Variants in EPB41L3 observed in about 807,000 individuals in gnomAD.
EPB41L3 encodes the protein erythrocyte membrane protein band 4.1 like 3, also known as band 4.1-like protein 3.
A neutral mutation model predicts 127.1 loss-of-function variants in EPB41L3; 57 were observed. The ratio of observed to expected loss-of-function variants is 0.45; its 90% CI spans 0.36 to 0.56. The LOEUF is 0.56. Among genes scored for constraint, EPB41L3 ranks in the 20% least tolerant of loss-of-function variants. The pLI is 0.00. For synonymous variants in EPB41L3, 572 were observed against 549.5 expected, an observed-to-expected ratio of 1.04 and a Z score of -0.57; for missense variants, 1,273 against 1,372.2, an observed-to-expected ratio of 0.93 and a Z score of 1.14.
chr18:5,610,129 G>T (rs2094708993), intron 3 of EPB41L3: 2 of 985,358 alleles, frequency 2.0e-6, no homozygotes, highest in South Asian at 4.7e-5. Flanking sequence ...CTTAAACACA[G>T]ATTTCAGGAC....
intron 3 of EPB41L3, among the ~76,000 whole-genome samples, chr18:5,572,130 T>C (rs2094288817): frequency 6.6e-6 from 1 of 152,234 alleles, no homozygotes; most frequent in Admixed American, 6.5e-5. Flanking sequence ...GCTATCTAAG[T>C]TGTTGCTTTT....
intron 1 of EPB41L3, among the ~76,000 whole-genome samples, chr18:5,628,333 C>G (rs761572729): frequency 9.2e-5 from 14 of 152,254 alleles, no homozygotes; most frequent in Non-Finnish European, 1.9e-4. Context: ...TCTCGCGGCC[C>G]AGTCTTAATC....
chr18:5,431,927 C>A (rs1355104889), intron 8 of EPB41L3, among the ~76,000 whole-genome samples: 2 of 152,100 alleles, frequency 1.3e-5, no homozygotes, highest in Non-Finnish European at 2.9e-5. Flanking sequence ...AATGAACTGG[C>A]AAGTAAACAG....
At chr18:5,523,818 G>T in intron 1 of EPB41L3, among the ~76,000 whole-genome samples, 1 of 151,818 alleles carries the variant, frequency 6.6e-6, no homozygotes, top group East Asian at 1.9e-4. Flanking sequence ...GTATACACTT[G>T]TTTTTGAGAA....
upstream of EPB41L3, among the ~76,000 whole-genome samples, chr18:5,548,911 T>G (rs1003239542): frequency 1.3e-5 from 2 of 152,188 alleles, no homozygotes; most frequent in Non-Finnish European, 2.9e-5. Context: ...GCTAAGACAC[T>G]TAACATTTTA....
At chr18:5,475,955 C>T (rs4797214) in intron 3 of EPB41L3, among the ~76,000 whole-genome samples, 47,729 of 151,842 alleles carry the variant, frequency 0.31, 7,931 homozygotes, top group East Asian at 0.46. Flanking sequence ...CTATGCTTCC[C>T]CTTCTCTGTT....
At chr18:5,545,015 TA>T (rs35842308), upstream of EPB41L3, among the ~76,000 whole-genome samples, 6,956 of 152,246 alleles carry the variant, frequency 0.046, 389 homozygotes, top group African/African-American at 0.13. Flanking sequence ...GATACATATA[TA>T]GTAAAATGGT....
chr18:5,398,447 A>G (rs537518816), intron 16 of EPB41L3: 1 of 436,836 alleles, frequency 2.3e-6, no homozygotes, highest in Non-Finnish European at 4.0e-6. Flanking sequence ...AGGGAGCTGG[A>G]AATAAAATGG....
intron 3 of EPB41L3, among the ~76,000 whole-genome samples, chr18:5,594,888 T>C (rs1048380040): frequency 3.3e-5 from 5 of 152,152 alleles, no homozygotes; most frequent in Non-Finnish European, 7.4e-5. Context: ...ATAGGAAACA[T>C]ACGGAAAATA....
rs752271497 is a variant in EPB41L3 at position 5,397,251 on chromosome 18, T to C, written c.2648A>G (p.Gln883Arg). ...CCCTTTAATGCCTGTGAATGCGGGC[T>C]GTGCTGCAGCATCCCCGCTGTCTCC... is the stretch of plus-strand genomic sequence containing the variant. ...SAGDSGDAAA[Q>R]PAFTGIKGKE... The change falls in exon 18 of 23, where the codon CAG becomes CGG. Residue 883 changes from glutamine to arginine, a missense_variant. This residue lies in a region of EPB41L3 where 765 missense variants were observed against 782.9 expected (regional missense o/e 0.98). Coordinates refer to ENST00000341928, the MANE Select transcript of EPB41L3 (RefSeq NM_012307.5). The surrounding 1 kb of genome is among the most constrained non-coding windows in gnomAD (Gnocchi z 4.1). 1 of 1,614,196 alleles carries C rather than the reference T, an allele frequency of 6.2e-7. No homozygotes were observed. The highest frequency in any genetic ancestry group is 1.7e-5 in the Admixed American group (1 of 60,026).
intron 3 of EPB41L3, among the ~76,000 whole-genome samples, chr18:5,472,517 C>T (rs2086344841): frequency 6.6e-6 from 1 of 152,176 alleles, no homozygotes; most frequent in African/African-American, 2.4e-5. Flanking sequence ...TACAGAGCTA[C>T]GTGGAATCAA....
intron 3 of EPB41L3, among the ~76,000 whole-genome samples, chr18:5,447,447 A>AATT (rs2081637419): frequency 1.9e-5 from 2 of 106,762 alleles, no homozygotes; most frequent in African/African-American, 6.9e-5. Flanking sequence ...TAGCTAGACT[A>AATT]CTTTTTTTTT....
intron 1 of EPB41L3, among the ~76,000 whole-genome samples, chr18:5,506,450 T>C (rs1205879437): frequency 6.6e-6 from 1 of 152,180 alleles, no homozygotes; most frequent in Non-Finnish European, 1.5e-5. Context: ...CCTTGGCTTA[T>C]TCACCCACTG....
intron 1 of EPB41L3, among the ~76,000 whole-genome samples, chr18:5,522,095 T>TTTAC (rs2093015093): frequency 1.3e-5 from 2 of 151,834 alleles, no homozygotes; most frequent in Non-Finnish European, 2.9e-5. Context: ...CAAATCGTTA[T>TTTAC]TTATTTATTT....
intron 3 of EPB41L3, among the ~76,000 whole-genome samples, chr18:5,602,581 A>G (rs981056269): frequency 1.3e-5 from 2 of 152,184 alleles, no homozygotes; most frequent in Non-Finnish European, 2.9e-5. Context: ...AGTAGCTGGG[A>G]CTACAGGCAT....
At chr18:5,427,505 A>C (rs1268452502) in intron 9 of EPB41L3, among the ~76,000 whole-genome samples, 2 of 152,106 alleles carry the variant, frequency 1.3e-5, no homozygotes, top group African/African-American at 2.4e-5. Flanking sequence ...TCTCTGACTT[A>C]AAACAAACAA....
chr18:5,460,124 G>C (rs2147063863), intron 3 of EPB41L3, among the ~76,000 whole-genome samples: 1 of 152,254 alleles, frequency 6.6e-6, no homozygotes, highest in East Asian at 1.9e-4. Flanking sequence ...CCAGTGTTTA[G>C]CTCCTACTTA....
intron 1 of EPB41L3, among the ~76,000 whole-genome samples, chr18:5,496,220 A>C (rs538115064): frequency 6.6e-6 from 1 of 152,260 alleles, no homozygotes; most frequent in Non-Finnish European, 1.5e-5. Context: ...AATATAGTTT[A>C]GAATATATAG....
In EPB41L3 at chr18:5,539,949, G is replaced by T. The variant is rs537216786; in HGVS notation, c.-12+3964C>A. ...ACACCTTTTTCCATTTTTTCCTATT[G>T]CCAACTGCAATCACATCACTTAAAA... On this transcript the variant is annotated intron_variant, in intron 1 of 22. Transcript: ENST00000341928. Among the ~76,000 whole-genome samples the T allele has an allele frequency of 2.0e-4, 31 of 152,086 alleles. 1 individual carries two copies. In the East Asian group the frequency reaches 5.2e-3, roughly 26 times the overall value.
Sources: gnomAD v4.1 joint callset for allele counts (sites outside exome capture counted in the v4.1 genomes callset) on GRCh38, gnomAD v4.1.1 for gene constraint, gnomAD v4.1.1 regional missense constraint, Gnocchi (gnomAD v3.1) non-coding constraint, MANE v1.5 for transcripts, NCBI Gene and HGNC (gene_info 2026-07-23, HGNC 2026-07-21) for gene names.